Variants in DLGAP1 observed in about 807,000 individuals in gnomAD.
DLGAP1 encodes DLG associated protein 1.
Under a neutral mutation model 90.8 loss-of-function variants are expected in DLGAP1, and 11 were observed. The ratio of observed to expected loss-of-function variants is 0.12; its 90% confidence interval spans 0.08 to 0.20. The LOEUF (loss-of-function observed/expected upper bound fraction) is 0.20, where lower values mean the gene tolerates loss of function less well. DLGAP1 is among the 10% of genes least tolerant of loss of function. The pLI is 1.00. For missense variants in DLGAP1, 1,050 were observed against 1,333.8 expected, an observed-to-expected ratio of 0.79 and a Z score of 3.31; for synonymous variants, 558 against 540.7, an observed-to-expected ratio of 1.03 and a Z score of -0.44.
Position 4,254,138 on chromosome 18 carries a change from G to A in DLGAP1, c.-266-102851C>T, listed in dbSNP as rs79559453. The stretch of plus-strand genomic sequence containing the variant: ...AGGAGTAAGAACAAGACTCATCCAC[G>A]GCACAAGTTTCACAGAAGGTACCTT... On this transcript the variant is annotated intron_variant, in intron 1 of 12. Transcript: ENST00000315677. 1.5e-3 allele frequency among the ~76,000 whole-genome samples: 228 copies of A among 152,234 alleles called. 1 individual carries two copies. Among genetic ancestry groups the A allele is most frequent in the African/African-American group, 5.3e-3 (220 of 41,516 alleles).
rs185577596 is a variant in DLGAP1, at chr18:3,892,614, C to A, written c.-72-12474G>T. Among the ~76,000 whole-genome samples the A allele has an allele frequency of 4.2e-3, 643 of 152,164 alleles. 2 individuals carry two copies. The highest frequency in any genetic ancestry group is 6.9e-3 in the Non-Finnish European group (471 of 68,008). On this transcript the variant is annotated intron_variant, in intron 3 of 12. Transcript: ENST00000315677. Reference sequence around the variant, plus strand: ...AGAAAATAAATCACATAAACGTGAACAATCAGCAAACAATACAAGTCAGAA... The same window carrying A: ...AGAAAATAAATCACATAAACGTGAAAAATCAGCAAACAATACAAGTCAGAA...
At chr18:3,980,170 A>G (rs1281901357) in intron 3 of DLGAP1, among the ~76,000 whole-genome samples, 1 of 152,134 alleles carries the variant, frequency 6.6e-6, no homozygotes, top group Non-Finnish European at 1.5e-5. Flanking sequence ...AAAAAAGTAA[A>G]AAGTAAAAAA....
chr18:4,426,395 G>T (rs1334450003), intron 1 of DLGAP1, among the ~76,000 whole-genome samples: 1 of 152,156 alleles, frequency 6.6e-6, no homozygotes, highest in Non-Finnish European at 1.5e-5. Context: ...TACAAATGCT[G>T]GCGGTGACTG....
At chr18:4,152,945 A>G (rs1188796895) in intron 1 of DLGAP1, among the ~76,000 whole-genome samples, 1 of 152,360 alleles carries the variant, frequency 6.6e-6, no homozygotes, top group East Asian at 1.9e-4. Flanking sequence ...TTCTAAAAAT[A>G]TATAGAACTG....
At chr18:3,649,264 G>A (rs1206451374) in intron 7 of DLGAP1, among the ~76,000 whole-genome samples, 2 of 152,142 alleles carry the variant, frequency 1.3e-5, no homozygotes, top group African/African-American at 2.4e-5. Context: ...AACAGACTGG[G>A]GGACAATCTC....
At chr18:4,019,593 T>G (rs538850950) in intron 2 of DLGAP1, among the ~76,000 whole-genome samples, 1 of 152,338 alleles carries the variant, frequency 6.6e-6, no homozygotes, top group African/African-American at 2.4e-5. Flanking sequence ...TATTGGCACT[T>G]CACAGATTTG....
intron 1 of DLGAP1, among the ~76,000 whole-genome samples, chr18:4,244,306 C>A (rs143124300): frequency 1.3e-5 from 2 of 152,224 alleles, no homozygotes; most frequent in East Asian, 3.9e-4. Context: ...TAACAAATGA[C>A]TTTAGCTTTC....
chr18:4,444,637 GA>G, intron 1 of DLGAP1, among the ~76,000 whole-genome samples: 1 of 152,124 alleles, frequency 6.6e-6, no homozygotes, highest in Non-Finnish European at 1.5e-5. Flanking sequence ...ATAAGACAGG[GA>G]TTTTTCAGCA....
intron 1 of DLGAP1, chr18:4,275,471 G>A (rs2079389588): frequency 6.6e-6 from 1 of 152,012 alleles, no homozygotes; most frequent in Admixed American, 6.6e-5. Context: ...TCTAATATAA[G>A]TTTTTCTATG....
At chr18:4,211,603 C>A (rs1233099255) in intron 1 of DLGAP1, among the ~76,000 whole-genome samples, 1 of 152,072 alleles carries the variant, frequency 6.6e-6, no homozygotes, top group African/African-American at 2.4e-5. Context: ...AAGACGAGTA[C>A]ATATGAGCAC....
intron 1 of DLGAP1, among the ~76,000 whole-genome samples, chr18:4,436,293 T>C (rs1460299749): frequency 6.6e-6 from 1 of 152,094 alleles, no homozygotes; most frequent in African/African-American, 2.4e-5. Context: ...TAAGTGCCTG[T>C]CTGGAGACAG....
chr18:4,380,730 C>T (rs1241021999), intron 1 of DLGAP1, among the ~76,000 whole-genome samples: 1 of 152,184 alleles, frequency 6.6e-6, no homozygotes, highest in African/African-American at 2.4e-5. Context: ...AATCTTAACT[C>T]TCGGCTTGTA....
At chr18:4,408,842 A>G (rs1027725947) in intron 1 of DLGAP1, among the ~76,000 whole-genome samples, 1 of 152,172 alleles carries the variant, frequency 6.6e-6, no homozygotes, top group African/African-American at 2.4e-5. Context: ...AGAGGTAGGT[A>G]TATCACTGTC....
intron 4 of DLGAP1, among the ~76,000 whole-genome samples, chr18:3,822,281 T>C (rs988167023): frequency 6.6e-6 from 1 of 152,234 alleles, no homozygotes; most frequent in African/African-American, 2.4e-5. Context: ...AATAACATTT[T>C]TAAATGATCT....
rs1475409079 is a variant in DLGAP1, at chr18:4,342,318, T to G, written c.-267+112688A>C. 6.6e-6 allele frequency among the ~76,000 whole-genome samples: 1 copy of G among 152,142 alleles called. No homozygotes were observed. Among genetic ancestry groups the G allele is most frequent in the African/African-American group, 2.4e-5 (1 of 41,438 alleles). Reference sequence around the variant, plus strand: ...TTATATTAGATGTTACTTGTATTTTTGAACTATAAAATATTATACTTATGA... The same window carrying G: ...TTATATTAGATGTTACTTGTATTTTGGAACTATAAAATATTATACTTATGA... On this transcript the variant is annotated intron_variant, in intron 1 of 12. Transcript: ENST00000315677. The surrounding 1 kb of genome is among the most constrained non-coding windows in gnomAD (Gnocchi z 5.8).
At chr18:4,328,363 T>C (rs974812764) in intron 1 of DLGAP1, among the ~76,000 whole-genome samples, 9 of 152,020 alleles carry the variant, frequency 5.9e-5, no homozygotes, top group Non-Finnish European at 8.8e-5. Flanking sequence ...ATCCATGTTG[T>C]TGTATGAGTC....
intron 7 of DLGAP1, among the ~76,000 whole-genome samples, chr18:3,671,184 CTTTTTT>C (rs11311056): frequency 7.0e-6 from 1 of 143,478 alleles, no homozygotes. Context: ...CTCTTTGCTG[CTTTTTT>C]TTTTTTTTTC....
chr18:3,621,405 A>G lies in DLGAP1; in HGVS notation c.1592-39157T>C, dbSNP rs184112614. Among the ~76,000 whole-genome samples, 317 of 152,234 alleles carry G rather than the reference A, an allele frequency of 2.1e-3. 1 individual carries two copies. The highest frequency in any genetic ancestry group is 3.6e-3 in the Non-Finnish European group (247 of 68,034). Reference sequence around the variant, plus strand: ...AGACCTTGTCTGTTAAATCAAGTTTAGCCTAAAGTGGCCTCCTTACATATT... The same window carrying G: ...AGACCTTGTCTGTTAAATCAAGTTTGGCCTAAAGTGGCCTCCTTACATATT... On this transcript the variant is annotated intron_variant, in intron 7 of 12. Transcript: ENST00000315677.
At position 3,879,421 on chromosome 18, in the gene DLGAP1, G is replaced by T; in HGVS notation, c.648C>A (p.His216Gln). ...DNLDGDMCIY[H>Q]APSGVMTMGR... ...CCATGGTCATCACGCCCGAGGGGGC[G>T]TGGTAGATGCACATGTCACCATCCA... Residue 216 changes from histidine (H) to glutamine (Q), a missense_variant, in exon 4 of 13, where the codon CAC becomes CAA. His to Gln is a conservative substitution (Grantham distance 24). Coordinates refer to ENST00000315677, the MANE Select transcript of DLGAP1 (RefSeq NM_004746.4). This position sits in a 1 kb window ranked among gnomAD's most constrained non-coding sequence, Gnocchi z 6.6. 1 of 1,610,498 alleles carries T rather than the reference G, an allele frequency of 6.2e-7. No individual in the cohort carries two copies.
Sources: gnomAD v4.1 joint callset for allele counts (sites outside exome capture counted in the v4.1 genomes callset) on GRCh38, gnomAD v4.1.1 for gene constraint, Gnocchi (gnomAD v3.1) non-coding constraint, MANE v1.5 for transcripts, NCBI Gene and HGNC (gene_info 2026-07-23, HGNC 2026-07-21) for gene names.